The following DLG1 variants were observed in gnomAD, a reference collection of about 807,000 sequenced individuals.
DLG1 encodes the protein discs large MAGUK scaffold protein 1, also known as disks large homolog 1.
A neutral mutation model predicts 123.4 loss-of-function variants in DLG1; 42 were observed. That is an observed-to-expected ratio of 0.34 (90% confidence interval 0.27 to 0.44). The LOEUF (loss-of-function observed/expected upper bound fraction) is 0.44. Among genes scored for constraint, DLG1 ranks in the 20% least tolerant of loss-of-function variants. DLG1 has a pLI of 1.00. For synonymous variants in DLG1, 317 were observed against 356.2 expected (o/e 0.89, Z 1.24); for missense variants, 942 against 1,082.6 (o/e 0.87, Z 1.82).
At chr3:197,096,624 TC>T (rs1360164199) in intron 14 of DLG1, among the ~76,000 whole-genome samples, 1 of 152,256 alleles carries the variant, frequency 6.6e-6, no homozygotes, top group Non-Finnish European at 1.5e-5. Context: ...TTCTTCTTTT[TC>T]ACCTTCTTGG....
chr3:197,150,734 T>C (rs915133166), intron 5 of DLG1, among the ~76,000 whole-genome samples: 1 of 152,120 alleles, frequency 6.6e-6, no homozygotes, highest in African/African-American at 2.4e-5. Context: ...ACCATTTTCT[T>C]CCAAATGTAC....
chr3:197,289,896 C>T (rs2151227408), intron 3 of DLG1, among the ~76,000 whole-genome samples: 1 of 152,234 alleles, frequency 6.6e-6, no homozygotes, highest in Non-Finnish European at 1.5e-5. Context: ...TACTATTAGA[C>T]TAAGAATCAT....
chr3:197,166,307 T>G (rs547309346), intron 5 of DLG1, among the ~76,000 whole-genome samples: 46 of 152,128 alleles, frequency 3.0e-4, no homozygotes, highest in African/African-American at 1.1e-3. Flanking sequence ...AATAAATACA[T>G]GAAGGATACT....
At chr3:197,061,415 A>C (rs1045384163) in intron 22 of DLG1, among the ~76,000 whole-genome samples, 2 of 152,242 alleles carry the variant, frequency 1.3e-5, no homozygotes, top group Non-Finnish European at 2.9e-5. Flanking sequence ...TTTCTTAAAA[A>C]CAATGGCATC....
At chr3:197,098,802 G>C (rs754062572) in intron 14 of DLG1, among the ~76,000 whole-genome samples, 17 of 152,308 alleles carry the variant, frequency 1.1e-4, no homozygotes, top group Non-Finnish European at 1.9e-4. Flanking sequence ...AAAGTGCTGG[G>C]ATTACAGGCG....
chr3:197,259,752 G>T (rs1228469410), intron 4 of DLG1, among the ~76,000 whole-genome samples: 2 of 152,116 alleles, frequency 1.3e-5, no homozygotes, highest in African/African-American at 4.8e-5. Flanking sequence ...GTACTTTCAA[G>T]GAGTGCTTGT....
chr3:197,181,209 C>T (rs1451790615), intron 5 of DLG1, among the ~76,000 whole-genome samples: 1 of 152,060 alleles, frequency 6.6e-6, no homozygotes, highest in Non-Finnish European at 1.5e-5. Flanking sequence ...GGGGGGGATA[C>T]TAAACCAGAT....
intron 4 of DLG1, among the ~76,000 whole-genome samples, chr3:197,278,726 G>A (rs1382825901): frequency 6.6e-6 from 1 of 151,000 alleles, no homozygotes; most frequent in Non-Finnish European, 1.5e-5. Context: ...GCAAGAATTA[G>A]ATCAGTGAAC....
chr3:197,101,611 T>G (rs1284727812), intron 14 of DLG1, among the ~76,000 whole-genome samples: 2 of 152,030 alleles, frequency 1.3e-5, no homozygotes, highest in Non-Finnish European at 2.9e-5. Flanking sequence ...GAATGGTCTC[T>G]ATCTCCTGAC....
At chr3:197,139,190 G>C (rs182348040) in intron 8 of DLG1, among the ~76,000 whole-genome samples, 1 of 151,778 alleles carries the variant, frequency 6.6e-6, no homozygotes, top group South Asian at 2.1e-4. Flanking sequence ...TATTCCACCA[G>C]GAAAAAAAGA....
At chr3:197,224,080 A>G (rs1738529565) in intron 4 of DLG1, among the ~76,000 whole-genome samples, 1 of 152,234 alleles carries the variant, frequency 6.6e-6, no homozygotes, top group South Asian at 2.1e-4. Context: ...CCTAAATTGT[A>G]AACATATAAC....
At chr3:197,232,310 G>A (rs1743586510) in intron 4 of DLG1, among the ~76,000 whole-genome samples, 1 of 147,370 alleles carries the variant, frequency 6.8e-6, no homozygotes, top group South Asian at 2.1e-4. Context: ...GCTGCAGTGA[G>A]CTATGATCAC....
rs71623339 is a variant in DLG1, at chr3:197,158,634, C to CAAAAAAAAAAAAAAAAAAAAA, written c.484-8859_484-8839dup. 6.2e-4 allele frequency among the ~76,000 whole-genome samples: 42 copies of CAAAAAAAAAAAAAAAAAAAAA among 67,484 alleles called. 1 individual carries two copies. The highest frequency in any genetic ancestry group is 1.7e-3 in the African/African-American group (30 of 18,126). The allele number at this position is 67,484 out of a possible 152,430, so 44.3% of individuals were successfully genotyped here. ...GGGTAACAAGAGCAAAACTCCATTT[C>CAAAAAAAAAAAAAAAAAAAAA]AAAAAAAAAAAAAAAAAAAAAAAGC... On this transcript the variant is annotated intron_variant, in intron 5 of 24. Transcript: ENST00000667157.
intron 4 of DLG1, among the ~76,000 whole-genome samples, chr3:197,240,811 T>G (rs1356360927): frequency 6.6e-6 from 1 of 151,590 alleles, no homozygotes; most frequent in Non-Finnish European, 1.5e-5. Context: ...TAAGAGAGGA[T>G]CAAGCAGAGT....
At chr3:197,196,579 G>A (rs553382835) in intron 4 of DLG1, among the ~76,000 whole-genome samples, 2 of 152,166 alleles carry the variant, frequency 1.3e-5, no homozygotes, top group Admixed American at 6.5e-5. Flanking sequence ...ATATACTTTA[G>A]AAGAGATACA....
chr3:197,065,627 A>G, intron 21 of DLG1, 81 bp downstream of exon 21: 2 of 1,100,474 alleles, frequency 1.8e-6, no homozygotes, highest in Non-Finnish European at 2.7e-6. Flanking sequence ...CCATTAAAAA[A>G]TGGTTATATC....
rs779699114 is a variant in DLG1, at chr3:197,065,861, T to C, written c.2099-52A>G. 7.6e-6 allele frequency: 9 copies of C among 1,187,086 alleles called. No homozygotes were observed. The Admixed American group carries it at 8.8e-5, about 12-fold the overall frequency. The allele number at this position is 1,187,086 out of a possible 1,614,324, so 73.5% of individuals were successfully genotyped here. A position where few individuals can be genotyped will look rare whatever the true frequency, so the allele number is the denominator to read the frequency against. ...GGAATAAACATTCAACAAATATCAATGTATTTTATTTCACCAGCGAACAAA... is the reference window on the plus strand; with the variant it reads ...GGAATAAACATTCAACAAATATCAACGTATTTTATTTCACCAGCGAACAAA... On this transcript the variant is annotated intron_variant, in intron 20 of 24. Coordinates refer to ENST00000667157, the MANE Select transcript of DLG1 (RefSeq NM_001366207.1).
chr3:197,063,191 T>TAAA (rs34170630), intron 22 of DLG1, among the ~76,000 whole-genome samples: 1 of 144,508 alleles, frequency 6.9e-6, no homozygotes, highest in Non-Finnish European at 1.5e-5. Context: ...ACTTAAAGTA[T>TAAA]AAAAAAAAAA....
chr3:197,053,153 G>C (rs1179874550), intron 23 of DLG1, among the ~76,000 whole-genome samples: 1 of 152,192 alleles, frequency 6.6e-6, no homozygotes, highest in Admixed American at 6.5e-5. Flanking sequence ...GCTGCAGCTG[G>C]ATGATGAGTA....
Sources: allele counts gnomAD v4.1 joint callset (sites outside exome capture counted in the v4.1 genomes callset), GRCh38; gene constraint gnomAD v4.1.1; transcripts MANE v1.5; gene names NCBI Gene and HGNC (gene_info 2026-07-23, HGNC 2026-07-21).